The following CINP variants were observed in gnomAD, a reference collection of about 807,000 sequenced individuals.
CINP encodes the protein cyclin dependent kinase 2 interacting protein.
A neutral mutation model predicts 20.5 loss-of-function variants in CINP; 11 were observed. The ratio of observed to expected loss-of-function variants is 0.54; its 90% CI spans 0.34 to 0.89. The LOEUF is 0.89. CINP is among the 40% of genes least tolerant of loss of function. The pLI, the probability that CINP is intolerant of heterozygous loss-of-function variation, is 0.02. For synonymous variants in CINP, 108 were observed against 102.1 expected (o/e 1.06, Z -0.35); for missense variants, 213 against 251.0 (o/e 0.85, Z 1.02).
intron 2 of CINP, among the ~76,000 whole-genome samples, chr14:102,357,825 G>A (rs1887031998): frequency 6.6e-6 from 1 of 152,208 alleles, no homozygotes; most frequent in African/African-American, 2.4e-5. Context: ...AGTGATGAAG[G>A]TGGCTACATG....
At chr14:102,353,089 A>T (rs903001538) in intron 3 of CINP, among the ~76,000 whole-genome samples, 2 of 151,406 alleles carry the variant, frequency 1.3e-5, no homozygotes, top group Non-Finnish European at 2.9e-5. Flanking sequence ...GTGGGCAGAG[A>T]TCACCCCACT....
chr14:102,356,771 T>C (rs1887006809), intron 2 of CINP, among the ~76,000 whole-genome samples: 1 of 152,212 alleles, frequency 6.6e-6, no homozygotes, highest in South Asian at 2.1e-4. Flanking sequence ...ATATTGCTAG[T>C]TTAATTGTTT....
At position 102,351,219 on chromosome 14, in the gene CINP, C is replaced by A. The variant is rs1434468535; in HGVS notation, c.307-1171G>T. The stretch of plus-strand genomic sequence containing the variant: ...CAGAAAGGGAGCCCTACACACTTCA[C>A]GCAGAAAGGAAGGAAACGTGGCAAG... On this transcript the variant is annotated intron_variant, in intron 3 of 4. Coordinates refer to ENST00000216756, the MANE Select transcript of CINP (RefSeq NM_032630.3). The surrounding 1 kb of genome is among the most constrained non-coding windows in gnomAD (Gnocchi z 4.2). 6.6e-6 allele frequency among the ~76,000 whole-genome samples: 1 copy of A among 152,160 alleles called. No individual in the cohort carries two copies. Among genetic ancestry groups the A allele is most frequent in the African/African-American group, 2.4e-5 (1 of 41,452 alleles).
chr14:102,356,487 G>A (rs1317589579), intron 2 of CINP, among the ~76,000 whole-genome samples: 1 of 151,452 alleles, frequency 6.6e-6, no homozygotes, highest in African/African-American at 2.4e-5. Flanking sequence ...GTACAAAGAT[G>A]AATAAGACAT....
At chr14:102,358,552 G>GT (rs1300298953) in intron 2 of CINP, among the ~76,000 whole-genome samples, 1 of 152,086 alleles carries the variant, frequency 6.6e-6, no homozygotes, top group African/African-American at 2.4e-5. Flanking sequence ...ATGGTGGCAG[G>GT]TATCTGTAAT....
At chr14:102,362,011 G>C (rs1887175802) in intron 1 of CINP, among the ~76,000 whole-genome samples, 1 of 152,178 alleles carries the variant, frequency 6.6e-6, no homozygotes, top group African/African-American at 2.4e-5. Flanking sequence ...TTCGACTAGG[G>C]TAGGAACTAT....
Position 102,348,448 on chromosome 14 carries a change from C to CAA in CINP, c.*108_*109insTT. On this transcript the variant is annotated 3_prime_UTR_variant, in exon 5 of 5. Coordinates refer to ENST00000216756, the MANE Select transcript of CINP (RefSeq NM_032630.3). ...GGTGACAAGCTCTGGCCAGAAGACCCCAAGGTCTGATCCTGGGGTCTGATC... is the reference window on the plus strand; with the variant it reads ...GGTGACAAGCTCTGGCCAGAAGACCCAACAAGGTCTGATCCTGGGGTCTGATC... The CAA allele has an allele frequency of 1.2e-6, 1 of 865,728 alleles. No homozygotes were observed. Among genetic ancestry groups the CAA allele is most frequent in the Non-Finnish European group, 1.7e-6 (1 of 603,994 alleles). 53.6% of individuals were successfully genotyped at this position (865,728 alleles called of 1,614,324 possible).
intron 1 of CINP, among the ~76,000 whole-genome samples, chr14:102,362,402 A>G (rs915280309): frequency 1.3e-5 from 2 of 152,124 alleles, no homozygotes; most frequent in Non-Finnish European, 2.9e-5. Context: ...ATCCACTTAA[A>G]GTGCTTGGAG....
Position 102,359,546 on chromosome 14 carries a change from A to G in CINP, c.49T>C (p.Ser17Pro), listed in dbSNP as rs1479113610. 1.9e-6 allele frequency: 3 copies of G among 1,612,988 alleles called. No individual in the cohort carries two copies. Among genetic ancestry groups the G allele is most frequent in the East Asian group, 4.5e-5 (2 of 44,828 alleles). Residue 17 changes from serine to proline, a missense_variant, in exon 2 of 5, where the codon TCT (serine) becomes CCT (proline). Coordinates refer to ENST00000216756, the MANE Select transcript of CINP (RefSeq NM_032630.3). ...TCCTTAATTTTTCTTGCACTGACAG[A>G]TAAGACAGGTTTTCTGGGCGTTACA... ...GTVTPRKPVL[S>P]VSARKIKDNA...
intron 3 of CINP, among the ~76,000 whole-genome samples, chr14:102,355,046 G>A (rs1254971756): frequency 6.7e-6 from 1 of 148,446 alleles, no homozygotes; most frequent in African/African-American, 2.5e-5. Context: ...TCCACCCTGG[G>A]TATCAGAATG....
intron 3 of CINP, among the ~76,000 whole-genome samples, chr14:102,354,306 C>T (rs1886945701): frequency 6.6e-6 from 1 of 152,166 alleles, no homozygotes; most frequent in African/African-American, 2.4e-5. Context: ...GCAAACTATC[C>T]CTGGAACACA....
chr14:102,362,769 C>T lies in CINP; in HGVS notation c.7+76G>A, dbSNP rs1391984194. 43 of 1,590,308 alleles carry T rather than the reference C, an allele frequency of 2.7e-5. 1 individual carries two copies. In the South Asian group the frequency reaches 4.4e-4, roughly 16 times the overall value. The stretch of plus-strand genomic sequence containing the variant: ...TCATGTAATCCGGGGAGCTCCTGAG[C>T]TTCTGGTCCAACCTGCGGCCTAAGC... On this transcript the variant is annotated intron_variant, in intron 1 of 4. Coordinates refer to ENST00000216756, the MANE Select transcript of CINP (RefSeq NM_032630.3).
chr14:102,360,181 C>T (rs899009784), intron 1 of CINP, among the ~76,000 whole-genome samples: 6 of 152,036 alleles, frequency 3.9e-5, no homozygotes, highest in Admixed American at 2.0e-4. Flanking sequence ...CTTGGCCCCC[C>T]GTCAATATCC....
At chr14:102,362,676 G>T in intron 1 of CINP, 169 bp downstream of exon 1, 2 of 847,218 alleles carry the variant, frequency 2.4e-6, no homozygotes, top group Non-Finnish European at 4.0e-6. Context: ...TGTCTCCCGA[G>T]CAGCTCGCAG....
rs1043516658 is a variant in CINP at position 102,351,970 on chromosome 14, C to T, written c.307-1922G>A. On this transcript the variant is annotated intron_variant, in intron 3 of 4. Coordinates refer to ENST00000216756, the MANE Select transcript of CINP (RefSeq NM_032630.3). This position sits in a 1 kb window ranked among gnomAD's most constrained non-coding sequence, Gnocchi z 4.2. ...CGCGATCTCCGCTCACTGCAACCTC[C>T]GCCTCCCGGGTTCATGCCATTCTCC... Among the ~76,000 whole-genome samples the T allele has an allele frequency of 6.6e-6, 1 of 152,086 alleles. No individual in the cohort carries two copies. The highest frequency in any genetic ancestry group is 2.1e-4 in the South Asian group (1 of 4,830).
At chr14:102,354,478 C>T (rs1329872991) in intron 3 of CINP, among the ~76,000 whole-genome samples, 3 of 152,182 alleles carry the variant, frequency 2.0e-5, no homozygotes, top group East Asian at 1.9e-4. Flanking sequence ...ATTTCCTGGA[C>T]GAACATGGTG....
chr14:102,358,286 T>G (rs942866459), intron 2 of CINP, among the ~76,000 whole-genome samples: 1 of 152,142 alleles, frequency 6.6e-6, no homozygotes, highest in Non-Finnish European at 1.5e-5. Flanking sequence ...GATAAACCAG[T>G]GTGAGAGGTC....
At chr14:102,359,988 T>C (rs958733818) in intron 1 of CINP, among the ~76,000 whole-genome samples, 2 of 152,204 alleles carry the variant, frequency 1.3e-5, no homozygotes, top group African/African-American at 4.8e-5. Context: ...TCAGGCACTC[T>C]GATACTTTAA....
intron 3 of CINP, among the ~76,000 whole-genome samples, chr14:102,353,868 C>G (rs780897289): frequency 6.6e-6 from 1 of 152,116 alleles, no homozygotes; most frequent in Non-Finnish European, 1.5e-5. Flanking sequence ...GTGGGAAGAT[C>G]ACTTCATGTC....
Sources: allele counts gnomAD v4.1 joint callset (sites outside exome capture counted in the v4.1 genomes callset), GRCh38; gene constraint gnomAD v4.1.1; non-coding constraint Gnocchi (gnomAD v3.1); transcripts MANE v1.5; gene names NCBI Gene and HGNC (gene_info 2026-07-23, HGNC 2026-07-21).